The following XIAP variants were observed in gnomAD, a reference collection of about 807,000 sequenced individuals.
XIAP encodes the protein X-linked inhibitor of apoptosis, also known as E3 ubiquitin-protein ligase XIAP.
A neutral mutation model predicts 33.1 loss-of-function variants in XIAP; 3 were observed. The observed-to-expected ratio is 0.09, with a 90% CI of 0.04 to 0.23. The LOEUF (loss-of-function observed/expected upper bound fraction) is 0.23. XIAP is among the 10% of genes least tolerant of loss of function. The pLI is 1.00. For missense variants in XIAP, 264 were observed against 363.0 expected (o/e 0.73, Z 2.22); for synonymous variants, 98 against 121.3 (o/e 0.81, Z 1.26).
At chrX:123,860,580 G>A (rs780805356) in intron 1 of XIAP, 4 of 246,313 alleles carry the variant, frequency 1.6e-5, no homozygotes, top group Non-Finnish European at 3.0e-5. Context: ...AAAAAAATAT[G>A]ATCAAAGGGA....
intron 1 of XIAP, among the ~76,000 whole-genome samples, chrX:123,883,747 C>T (rs62607120): frequency 0.17 from 18,794 of 109,690 alleles, 1,283 homozygotes; most frequent in South Asian, 0.39. Context: ...TTGCCCACCT[C>T]GGCCTCCCAA....
intron 5 of XIAP, among the ~76,000 whole-genome samples, chrX:123,898,690 C>T (rs2053482536): frequency 9.2e-6 from 1 of 108,450 alleles, no homozygotes. Flanking sequence ...TAGATAGGGT[C>T]ACACTTTGTT....
rs35365799 is a variant in XIAP, at chrX:123,880,737, CAA to C, written c.-32-4876_-32-4875del. Among the ~76,000 whole-genome samples, 266 of 63,924 alleles carry C rather than the reference CAA, an allele frequency of 4.2e-3. 2 individuals are homozygous for C. The highest frequency in any genetic ancestry group is 0.011 in the African/African-American group (209 of 18,334). 55.5% of individuals were successfully genotyped at this position (63,924 alleles called of 115,157 possible). On this transcript the variant is annotated intron_variant, in intron 1 of 6. Transcript: ENST00000371199. ...GGGCCATAAGAGCAAAACTCTGTTT[CAA>C]AAAAAAAAAAAAAAAAAGGGAGAAA... is the stretch of plus-strand genomic sequence containing the variant.
At chrX:123,899,693 T>A (rs2053499421) in intron 5 of XIAP, among the ~76,000 whole-genome samples, 1 of 107,980 alleles carries the variant, frequency 9.3e-6, no homozygotes, top group Non-Finnish European at 1.9e-5. Context: ...ATCTATGAGA[T>A]CCATCCATAT....
chrX:123,887,242 A>G (rs2053360568), intron 2 of XIAP, among the ~76,000 whole-genome samples: 1 of 110,674 alleles, frequency 9.0e-6, no homozygotes, highest in African/African-American at 3.3e-5. Context: ...TAGTAGAGAC[A>G]GGGTTTCACC....
chrX:123,889,998 T>A (rs1307316708), intron 3 of XIAP, among the ~76,000 whole-genome samples: 1 of 8,399 alleles, frequency 1.2e-4, no homozygotes, highest in African/African-American at 7.2e-4. Context: ...GTTGTTCACA[T>A]TTTTTTTTTT....
chrX:123,869,984 G>A (rs1162848141), intron 1 of XIAP, among the ~76,000 whole-genome samples: 1 of 112,129 alleles, frequency 8.9e-6, no homozygotes, highest in Non-Finnish European at 1.9e-5. Context: ...AATTGAGACG[G>A]AGTCTCGCTC....
intron 1 of XIAP, among the ~76,000 whole-genome samples, chrX:123,868,451 C>T (rs2053164279): frequency 9.0e-6 from 1 of 111,451 alleles, no homozygotes; most frequent in Non-Finnish European, 1.9e-5. Flanking sequence ...AATCCCAGGC[C>T]AGGCATGGTG....
chrX:123,887,993 ATAATAATAATT>A (rs1569478063), intron 2 of XIAP, among the ~76,000 whole-genome samples: 5 of 99,435 alleles, frequency 5.0e-5, no homozygotes, highest in East Asian at 3.0e-4. Context: ...TCAGAAAAAA[ATAATAATAATT>A]AATAAATAAA....
intron 1 of XIAP, among the ~76,000 whole-genome samples, chrX:123,876,363 A>G (rs1437905494): frequency 9.0e-6 from 1 of 111,220 alleles, no homozygotes; most frequent in Non-Finnish European, 1.9e-5. Context: ...CAAACATTAC[A>G]TAAGTAGGTT....
In XIAP at chrX:123,912,920, A is replaced by T. The variant is rs764041352; in HGVS notation, c.*5739A>T. On this transcript the variant is annotated 3_prime_UTR_variant, in exon 7 of 7. Coordinates refer to ENST00000371199, the MANE Select transcript of XIAP (RefSeq NM_001167.4). ...ATTCATCTCCCAAAGTGCTGGGATT[A>T]CAGGCGTGAGCCACCACGGCCGGCT... is the stretch of plus-strand genomic sequence containing the variant. 1 of 320,313 alleles carries T rather than the reference A, an allele frequency of 3.1e-6. No homozygotes were observed. The highest frequency in any genetic ancestry group is 3.2e-5 in the Admixed American group (1 of 30,827). The allele number at this position is 320,313 out of a possible 1,213,427, so 26.4% of individuals were successfully genotyped here.
chrX:123,906,405 C>G (rs1292613112), intron 6 of XIAP, among the ~76,000 whole-genome samples: 1 of 111,730 alleles, frequency 9.0e-6, no homozygotes, highest in East Asian at 2.8e-4. Context: ...TTCTTATTGG[C>G]ATCACCATAT....
Position 123,912,685 on chromosome X carries a change from T to TA in XIAP, c.*5504_*5505insA. 3.5e-6 allele frequency: 1 copy of TA among 287,627 alleles called. No individual in the cohort carries two copies. The highest frequency in any genetic ancestry group is 2.9e-5 in the South Asian group (1 of 34,531). 23.7% of individuals were successfully genotyped at this position (287,627 alleles called of 1,213,427 possible). ...ATGTGCATACATTATATGCAAATAC[T>TA]GTTTTTTTTTTTTTTAATTTAAACA... is the stretch of plus-strand genomic sequence containing the variant. On this transcript the variant is annotated 3_prime_UTR_variant, in exon 7 of 7. Transcript: ENST00000371199.
intron 1 of XIAP, among the ~76,000 whole-genome samples, chrX:123,879,504 A>G (rs1193217948): frequency 1.9e-5 from 2 of 106,198 alleles, no homozygotes; most frequent in Non-Finnish European, 3.9e-5. Flanking sequence ...TTCAGTAGAG[A>G]CGGGGTTTCA....
intron 3 of XIAP, among the ~76,000 whole-genome samples, chrX:123,889,997 ATTTTTTTTTTTTTTTTTTT>A (rs771503633): frequency 1.2e-4 from 4 of 33,048 alleles, no homozygotes; most frequent in East Asian, 1.0e-3. Context: ...AGTTGTTCAC[ATTTTTTTTTTTTTTTTTTT>A]TTTTTTTTTT....
At position 123,912,105 on chromosome X, in the gene XIAP, A is replaced by T. The variant is rs1174720352; in HGVS notation, c.*4924A>T. The T allele has an allele frequency of 3.1e-6, 1 of 325,072 alleles. No homozygotes were observed. The highest frequency in any genetic ancestry group is 5.9e-6 in the Non-Finnish European group (1 of 168,954). 26.8% of individuals were successfully genotyped at this position (325,072 alleles called of 1,213,427 possible). A position where few individuals can be genotyped will look rare whatever the true frequency, so the allele number is the denominator to read the frequency against. ...CATAACTTTCACTACATATTAAATG[A>T]CACTTTATAACTAATATAATAGGAC... On this transcript the variant is annotated 3_prime_UTR_variant, in exon 7 of 7. Transcript: ENST00000371199.
chrX:123,899,948 A>G (rs2053501549), intron 5 of XIAP, among the ~76,000 whole-genome samples: 1 of 111,681 alleles, frequency 9.0e-6, no homozygotes, highest in Non-Finnish European at 1.9e-5. Flanking sequence ...TTCCCTACAC[A>G]TGCTGTGTTC....
At chrX:123,899,074 C>T (rs1187989447) in intron 5 of XIAP, among the ~76,000 whole-genome samples, 17 of 82,969 alleles carry the variant, frequency 2.0e-4, no homozygotes, top group East Asian at 4.1e-4. Context: ...TGAGCCGAGA[C>T]GCGCCATTAC....
rs28382721 is a variant in XIAP, at chrX:123,885,982, A to G, written c.320A>G (p.Asn107Ser). 8.3e-7 allele frequency: 1 copy of G among 1,210,479 alleles called. No homozygotes were observed. The highest frequency in any genetic ancestry group is 2.2e-5 in the Admixed American group (1 of 45,680). ...YLENSATQST[N>S]SGIQNGQYKV... Reference sequence around the variant, plus strand: ...GAAAATAGTGCCACGCAGTCTACAAATTCTGGTATCCAGAATGGTCAGTAC... The same window carrying G: ...GAAAATAGTGCCACGCAGTCTACAAGTTCTGGTATCCAGAATGGTCAGTAC... The change falls in exon 2 of 7, where the codon AAT (asparagine) becomes AGT (serine). Residue 107 changes from asparagine (N) to serine (S), a missense_variant. Transcript: ENST00000371199.
Sources: allele counts gnomAD v4.1 joint callset (sites outside exome capture counted in the v4.1 genomes callset), GRCh38; gene constraint gnomAD v4.1.1; transcripts MANE v1.5; gene names NCBI Gene and HGNC (gene_info 2026-07-23, HGNC 2026-07-21).